The following SCN1A variants were observed in gnomAD, a reference collection of about 807,000 sequenced individuals.
SCN1A encodes sodium voltage-gated channel alpha subunit 1, also known as sodium channel protein type 1 subunit alpha.
A neutral mutation model predicts 193.7 loss-of-function variants in SCN1A; 13 were observed. The ratio of observed to expected loss-of-function variants is 0.07; its 90% CI spans 0.04 to 0.11. The LOEUF is 0.11. Ranked by LOEUF, SCN1A falls within the 10% of genes least tolerant of loss-of-function variation. SCN1A has a pLI of 1.00. For missense variants in SCN1A, 1,432 were observed against 2,451.1 expected (o/e 0.58, Z 8.78); for synonymous variants, 781 against 843.6 (o/e 0.93, Z 1.29).
chr2:166,106,375 T>A (rs925176324), intron 2 of SCN1A, among the ~76,000 whole-genome samples: 1 of 152,108 alleles, frequency 6.6e-6, no homozygotes, highest in East Asian at 1.9e-4. Flanking sequence ...GGATTTCCCA[T>A]CCCAAGGTTG....
intron 2 of SCN1A, among the ~76,000 whole-genome samples, chr2:166,082,672 A>T (rs1055005034): frequency 6.6e-6 from 1 of 152,060 alleles, no homozygotes; most frequent in Non-Finnish European, 1.5e-5. Flanking sequence ...TACTTCCGTT[A>T]TGTTTTATGT....
chr2:166,095,723 T>A (rs1687306314), intron 2 of SCN1A, among the ~76,000 whole-genome samples: 1 of 152,224 alleles, frequency 6.6e-6, no homozygotes, highest in Admixed American at 6.5e-5. Flanking sequence ...TCACTTGCCT[T>A]GATGGGCCAA....
intron 2 of SCN1A, among the ~76,000 whole-genome samples, chr2:166,125,189 G>C (rs190313518): frequency 6.6e-6 from 1 of 152,114 alleles, no homozygotes; most frequent in Non-Finnish European, 1.5e-5. Context: ...ATAACCTCAC[G>C]GAGCACAGCC....
chr2:166,147,054 G>T (rs1692352747), intron 1 of SCN1A, among the ~76,000 whole-genome samples: 1 of 149,730 alleles, frequency 6.7e-6, no homozygotes, highest in African/African-American at 2.5e-5. Flanking sequence ...TGGAGGAAAG[G>T]CTTACACAAA....
upstream of SCN1A, among the ~76,000 whole-genome samples, chr2:166,132,031 C>A (rs895660881): frequency 4.6e-5 from 7 of 152,154 alleles, no homozygotes; most frequent in Non-Finnish European, 1.0e-4. Flanking sequence ...GAAGCTGGGT[C>A]TCCCCTCTCT....
intron 2 of SCN1A, among the ~76,000 whole-genome samples, chr2:166,113,590 AT>A (rs1689535634): frequency 6.6e-6 from 1 of 152,124 alleles, no homozygotes; most frequent in African/African-American, 2.4e-5. Context: ...GTGTGCTATA[AT>A]TTTAAACAGC....
chr2:166,058,961 T>C (rs375084126), intron 4 of SCN1A, among the ~76,000 whole-genome samples: 1 of 152,268 alleles, frequency 6.6e-6, no homozygotes, highest in South Asian at 2.1e-4. Flanking sequence ...ATTTATTTTC[T>C]CGATATTTTA....
chr2:166,114,763 T>C (rs988652152), intron 2 of SCN1A, among the ~76,000 whole-genome samples: 14 of 152,184 alleles, frequency 9.2e-5, no homozygotes, highest in Non-Finnish European at 2.1e-4. Context: ...ATTAATATTA[T>C]ACTTTTGAAC....
chr2:166,095,953 C>A (rs1183115451), intron 2 of SCN1A, among the ~76,000 whole-genome samples: 1 of 152,132 alleles, frequency 6.6e-6, no homozygotes, highest in East Asian at 1.9e-4. Context: ...GAACCCTCCC[C>A]TAAAAGCAAT....
chr2:166,148,517 C>T (rs530448704), intron 1 of SCN1A, among the ~76,000 whole-genome samples: 17 of 152,292 alleles, frequency 1.1e-4, no homozygotes, highest in African/African-American at 2.6e-4. Flanking sequence ...GTGCTAGTGT[C>T]GAATGGCGCT....
chr2:166,117,806 T>A lies in SCN1A; in HGVS notation c.-142+9118A>T, dbSNP rs372192736. 2.6e-5 allele frequency among the ~76,000 whole-genome samples: 4 copies of A among 151,588 alleles called. No individual in the cohort carries two copies. The East Asian group carries it at 7.8e-4, about 29-fold the overall frequency. ...GATCAGGAGTTCAGCCTGGCCAACA[T>A]AGAAAAATTAGCTGGGTGTGGTAGT... is the stretch of plus-strand genomic sequence containing the variant. On this transcript the variant is annotated intron_variant, in intron 2 of 28. Coordinates refer to ENST00000674923, the MANE Select transcript of SCN1A (RefSeq NM_001165963.4).
intron 1 of SCN1A, among the ~76,000 whole-genome samples, chr2:166,136,975 A>G (rs1691886205): frequency 6.6e-6 from 1 of 152,218 alleles, no homozygotes; most frequent in Admixed American, 6.5e-5. Context: ...ATCCCTGGAA[A>G]GTGGACTTGA....
chr2:166,036,640 TTGA>T, intron 18 of SCN1A, 110 bp from the exon 19 acceptor site: 1 of 1,134,308 alleles, frequency 8.8e-7, no homozygotes, highest in Non-Finnish European at 1.3e-6. Context: ...GTTCTAAAAC[TTGA>T]TGAGAAGGAA....
At chr2:165,993,210 T>TGTGTGTGAGA (rs1344882182) in intron 28 of SCN1A, 2 of 122,764 alleles carry the variant, frequency 1.6e-5, no homozygotes, top group South Asian at 2.8e-4. Flanking sequence ...TGTGTGTGTG[T>TGTGTGTGAGA]GAGAGAGAGA....
chr2:166,125,161 G>A (rs1488884216), intron 2 of SCN1A, among the ~76,000 whole-genome samples: 3 of 152,112 alleles, frequency 2.0e-5, no homozygotes, highest in African/African-American at 4.8e-5. Flanking sequence ...TCACTAATTA[G>A]AATTTAAAAA....
chr2:166,082,207 GAATC>G (rs142376619), intron 2 of SCN1A, among the ~76,000 whole-genome samples: 2,708 of 151,986 alleles, frequency 0.018, 44 homozygotes, highest in Middle Eastern at 0.037. Flanking sequence ...AAAACAAACT[GAATC>G]AAAGAAAAAT....
rs1574003794 is a variant in SCN1A, at chr2:166,002,404, G to T, written c.4284+68C>A. On this transcript the variant is annotated intron_variant, in intron 24 of 28. Coordinates refer to ENST00000674923, the MANE Select transcript of SCN1A (RefSeq NM_001165963.4). ...ACTTTTTCTTAGGAACTAAATAATA[G>T]ATGTATGTCATTATTTTGTTATTAT... 3 of 1,418,954 alleles carry T rather than the reference G, an allele frequency of 2.1e-6. No individual in the cohort carries two copies. The African/African-American group carries it at 4.3e-5, about 20-fold the overall frequency. The allele number at this position is 1,418,954 out of a possible 1,614,324, so 87.9% of individuals were successfully genotyped here.
rs1164616827 is a variant in SCN1A, at chr2:165,986,595, C to A, written c.*4650G>T. ...AAACCAGTATATATTGAATTAATTACCAACAGTAGATCTAATTTTGAAGGT... is the reference window on the plus strand; with the variant it reads ...AAACCAGTATATATTGAATTAATTAACAACAGTAGATCTAATTTTGAAGGT... On this transcript the variant is annotated 3_prime_UTR_variant, in exon 29 of 29. Transcript: ENST00000674923. The A allele has an allele frequency of 6.6e-6, 1 of 151,246 alleles. No individual in the cohort carries two copies. 9.4% of individuals were successfully genotyped at this position (151,246 alleles called of 1,614,324 possible).
chr2:165,999,903 T>G, intron 24 of SCN1A, 127 bp from the exon 25 acceptor site: 1 of 794,580 alleles, frequency 1.3e-6, no homozygotes, highest in Non-Finnish European at 2.2e-6. Flanking sequence ...AAACAAATTT[T>G]ACACAGATTT....
Sources: allele counts gnomAD v4.1 joint callset (sites outside exome capture counted in the v4.1 genomes callset), GRCh38; gene constraint gnomAD v4.1.1; transcripts MANE v1.5; gene names NCBI Gene and HGNC (gene_info 2026-07-23, HGNC 2026-07-21).